GNAQ: variants seen among roughly 807,000 people sequenced by gnomAD.
GNAQ encodes guanine nucleotide-binding protein G(q) subunit alpha.
GNAQ carries 8 observed loss-of-function variants against 43.9 expected under a neutral mutation model. The observed-to-expected ratio is 0.18, with a 90% CI of 0.11 to 0.33. GNAQ has a LOEUF of 0.33. Ranked by LOEUF, GNAQ falls within the 10% of genes least tolerant of loss-of-function variation. The pLI is 1.00. For missense variants in GNAQ, 158 were observed against 450.8 expected (o/e 0.35, Z 5.88); for synonymous variants, 155 against 170.7 (o/e 0.91, Z 0.71).
chr9:77,993,789 T>C (rs1395173358), intron 1 of GNAQ, among the ~76,000 whole-genome samples: 1 of 151,864 alleles, frequency 6.6e-6, no homozygotes, highest in Non-Finnish European at 1.5e-5. Context: ...AAAGGAAAAA[T>C]AAAAAATGAC....
chr9:77,724,600 C>T (rs1387081196), intron 6 of GNAQ, among the ~76,000 whole-genome samples: 1 of 152,172 alleles, frequency 6.6e-6, no homozygotes, highest in Non-Finnish European at 1.5e-5. Flanking sequence ...AAAATGCACC[C>T]TGAGCTTCAG....
intron 2 of GNAQ, among the ~76,000 whole-genome samples, chr9:77,908,339 C>A (rs1564148044): frequency 1.3e-5 from 2 of 152,174 alleles, no homozygotes; most frequent in African/African-American, 4.8e-5. Flanking sequence ...CAGAGGCCAG[C>A]CACTGCTCCC....
intron 1 of GNAQ, among the ~76,000 whole-genome samples, chr9:77,939,300 T>G (rs1353098507): frequency 6.6e-6 from 1 of 152,238 alleles, no homozygotes; most frequent in Non-Finnish European, 1.5e-5. Flanking sequence ...ATTCTATTAA[T>G]GCATGCAACG....
At chr9:77,872,926 G>A (rs1386929433) in intron 2 of GNAQ, among the ~76,000 whole-genome samples, 10 of 152,370 alleles carry the variant, frequency 6.6e-5, no homozygotes, top group African/African-American at 2.4e-4. Flanking sequence ...CTCCAAGGTG[G>A]AGTCTGACAG....
intron 5 of GNAQ, among the ~76,000 whole-genome samples, chr9:77,771,070 G>A (rs1019950078): frequency 2.6e-5 from 4 of 152,128 alleles, no homozygotes; most frequent in Non-Finnish European, 5.9e-5. Context: ...CCAGTTCAAT[G>A]GGCAACCCTA....
At chr9:78,002,031 T>C (rs1174145786) in intron 1 of GNAQ, among the ~76,000 whole-genome samples, 1 of 152,206 alleles carries the variant, frequency 6.6e-6, no homozygotes, top group Non-Finnish European at 1.5e-5. Context: ...ATCCAGAAGA[T>C]AAAGATTTGT....
rs1564089063 is a variant in GNAQ at position 77,716,591 on chromosome 9, G to C, written c.*4732C>G. The C allele has an allele frequency of 4.3e-6, 1 of 232,728 alleles. No homozygotes were observed. Among genetic ancestry groups the C allele is most frequent in the South Asian group, 1.8e-4 (1 of 5,510 alleles). 14.4% of individuals were successfully genotyped at this position (232,728 alleles called of 1,614,324 possible). ...AACGTGTTTCAGTCAAAGTAACCTG[G>C]ACAAAGTTACGTAGTATTATTCCAG... On this transcript the variant is annotated 3_prime_UTR_variant, in exon 7 of 7. Transcript: ENST00000286548.
At chr9:77,970,232 A>AAC (rs1823220590) in intron 1 of GNAQ, among the ~76,000 whole-genome samples, 4 of 149,416 alleles carry the variant, frequency 2.7e-5, no homozygotes, top group African/African-American at 2.5e-5. Flanking sequence ...CAAAAAAAAA[A>AAC]AAACAAACAA....
intron 5 of GNAQ, among the ~76,000 whole-genome samples, chr9:77,741,641 A>G (rs1825656035): frequency 6.6e-6 from 1 of 152,220 alleles, no homozygotes; most frequent in Non-Finnish European, 1.5e-5. Flanking sequence ...TGTTGCACAC[A>G]TGTAAAAAAT....
chr9:77,877,982 T>C (rs1432909098), intron 2 of GNAQ, among the ~76,000 whole-genome samples: 1 of 152,160 alleles, frequency 6.6e-6, no homozygotes. Context: ...CCCTTTGAAC[T>C]GTACACCACA....
chr9:77,742,301 CAT>C (rs1224501186), intron 5 of GNAQ, among the ~76,000 whole-genome samples: 2 of 152,066 alleles, frequency 1.3e-5, no homozygotes, highest in East Asian at 1.9e-4. Flanking sequence ...ATATAATGCA[CAT>C]GTGACTAACT....
chr9:77,847,588 G>A (rs1261199075), intron 2 of GNAQ, among the ~76,000 whole-genome samples: 2 of 152,194 alleles, frequency 1.3e-5, no homozygotes, highest in Non-Finnish European at 2.9e-5. Context: ...GTTAAGGTGG[G>A]GCACATACAA....
At chr9:77,902,720 T>C (rs1828633645) in intron 2 of GNAQ, among the ~76,000 whole-genome samples, 1 of 152,190 alleles carries the variant, frequency 6.6e-6, no homozygotes, top group Non-Finnish European at 1.5e-5. Context: ...GCCAATTTGT[T>C]TTTGTACAAA....
chr9:77,966,438 C>T (rs889839300), intron 1 of GNAQ, among the ~76,000 whole-genome samples: 3 of 152,086 alleles, frequency 2.0e-5, no homozygotes, highest in Non-Finnish European at 2.9e-5. Context: ...TTGCTATGTA[C>T]GTTTTTCTTT....
At chr9:77,950,214 T>C (rs1822958419) in intron 1 of GNAQ, among the ~76,000 whole-genome samples, 1 of 152,238 alleles carries the variant, frequency 6.6e-6, no homozygotes, top group South Asian at 2.1e-4. Context: ...TCTAAACTCA[T>C]CATGAAATTC....
chr9:77,804,749 G>C (rs941802248), intron 3 of GNAQ, among the ~76,000 whole-genome samples: 4 of 152,168 alleles, frequency 2.6e-5, no homozygotes, highest in Admixed American at 2.6e-4. Context: ...CTCCTATAGA[G>C]AGGCTGCATT....
intron 1 of GNAQ, among the ~76,000 whole-genome samples, chr9:77,934,135 A>C (rs1829194660): frequency 6.6e-6 from 1 of 152,170 alleles, no homozygotes; most frequent in African/African-American, 2.4e-5. Flanking sequence ...AAAGAACATC[A>C]GCTGAAGTCA....
At chr9:77,970,222 C>CA (rs139514787) in intron 1 of GNAQ, among the ~76,000 whole-genome samples, 1,567 of 145,776 alleles carry the variant, frequency 0.011, 5 homozygotes, top group Non-Finnish European at 0.014. Context: ...TCCATCTCCA[C>CA]AAAAAAAAAA....
Position 77,728,687 on chromosome 9 carries a change from CAG to C in GNAQ, c.736-22_736-21del. ...TCGGTTCTGGAAAAAAAAAAAAAAT[CAG>C]AAAAAACAAGGAGTGAATTACATGA... On this transcript the variant is annotated intron_variant, in intron 5 of 6. Transcript: ENST00000286548. 1.6e-6 allele frequency: 2 copies of C among 1,214,982 alleles called. No homozygotes were observed. Among genetic ancestry groups the C allele is most frequent in the South Asian group, 1.3e-5 (1 of 75,300 alleles). The allele number at this position is 1,214,982 out of a possible 1,614,324, so 75.3% of individuals were successfully genotyped here. A position where few individuals can be genotyped will look rare whatever the true frequency, so the allele number is the denominator to read the frequency against.
Sources: gnomAD v4.1 joint callset for allele counts (sites outside exome capture counted in the v4.1 genomes callset) on GRCh38, gnomAD v4.1.1 for gene constraint, MANE v1.5 for transcripts, NCBI Gene and HGNC (gene_info 2026-07-23, HGNC 2026-07-21) for gene names.